Variants in HTR2C observed in about 807,000 individuals in gnomAD.
The protein encoded by HTR2C is 5-hydroxytryptamine (serotonin) receptor 2C, G protein-coupled.
In HTR2C, 5 loss-of-function variants were observed where a neutral mutation model predicts 21.0. The ratio of observed to expected loss-of-function variants is 0.24; its 90% CI spans 0.12 to 0.50. The LOEUF is 0.50. Ranked by LOEUF, HTR2C falls within the 20% of genes least tolerant of loss-of-function variation. The pLI is 0.98. For synonymous variants in HTR2C, 150 were observed against 145.3 expected (o/e 1.03, Z -0.23); for missense variants, 271 against 371.2 (o/e 0.73, Z 2.22).
intron 2 of HTR2C, among the ~76,000 whole-genome samples, chrX:114,659,705 T>C (rs1400587911): frequency 9.1e-6 from 1 of 110,428 alleles, no homozygotes; most frequent in African/African-American, 3.3e-5. Flanking sequence ...CAATATATTG[T>C]AATATATTGA....
At chrX:114,788,771 C>G (rs7882977) in intron 4 of HTR2C, among the ~76,000 whole-genome samples, 5 of 110,433 alleles carry the variant, frequency 4.5e-5, no homozygotes, top group African/African-American at 1.6e-4. Context: ...ACCTCAGACT[C>G]CTGGGTAGCT....
intron 4 of HTR2C, among the ~76,000 whole-genome samples, chrX:114,737,829 G>T (rs1390844841): frequency 1.8e-5 from 2 of 111,392 alleles, no homozygotes; most frequent in African/African-American, 6.5e-5. Flanking sequence ...AATCCCTCCG[G>T]ACTCAAATAG....
rs782256953 is a variant in HTR2C, at chrX:114,723,691, G to A, written c.-79-3167G>A. 4.0e-3 allele frequency among the ~76,000 whole-genome samples: 445 copies of A among 110,507 alleles called. 1 individual carries two copies. Among genetic ancestry groups the A allele is most frequent in the African/African-American group, 9.6e-3 (292 of 30,441 alleles). The stretch of plus-strand genomic sequence containing the variant: ...TCCCTCTACACACTGCTTTGAATGC[G>A]TCCCAGAGATTCTGGTATGTTGTGT... On this transcript the variant is annotated intron_variant, in intron 2 of 5. Transcript: ENST00000276198.
intron 4 of HTR2C, among the ~76,000 whole-genome samples, chrX:114,818,273 T>G (rs1237794906): frequency 5.4e-5 from 6 of 111,712 alleles, no homozygotes; most frequent in Non-Finnish European, 1.1e-4. Context: ...TTTATTTGAT[T>G]AGAGAACCTT....
chrX:114,774,831 A>G (rs5988130), intron 4 of HTR2C: 7,336 of 470,555 alleles, frequency 0.016, 387 homozygotes, highest in African/African-American at 0.15. Flanking sequence ...TGTTGGCTTA[A>G]TCAACCTCTT....
intron 2 of HTR2C, among the ~76,000 whole-genome samples, chrX:114,628,171 T>C (rs1454493224): frequency 8.9e-6 from 1 of 111,842 alleles, no homozygotes; most frequent in East Asian, 2.8e-4. Flanking sequence ...AAAAGCAGTA[T>C]TTAAATAGTA....
At chrX:114,830,981 AATG>A (rs1265201702) in intron 4 of HTR2C, among the ~76,000 whole-genome samples, 1 of 83,991 alleles carries the variant, frequency 1.2e-5, no homozygotes. Context: ...GTTTACTGAG[AATG>A]ATAATTTCCA....
chrX:114,815,179 G>A (rs2070573211), intron 4 of HTR2C, among the ~76,000 whole-genome samples: 1 of 108,938 alleles, frequency 9.2e-6, no homozygotes, highest in Admixed American at 1.0e-4. Context: ...TTACTTGTCA[G>A]CATCTCTTTA....
At chrX:114,826,945 C>A (rs1437601555) in intron 4 of HTR2C, among the ~76,000 whole-genome samples, 1 of 109,746 alleles carries the variant, frequency 9.1e-6, no homozygotes, top group Admixed American at 9.8e-5. Flanking sequence ...ATGTTTTTTT[C>A]TTTTTATTTG....
At chrX:114,673,693 G>C (rs1295984533) in intron 2 of HTR2C, among the ~76,000 whole-genome samples, 5 of 111,211 alleles carry the variant, frequency 4.5e-5, no homozygotes, top group Non-Finnish European at 9.4e-5. Flanking sequence ...ATATGTATGA[G>C]ATTGACAGTA....
At chrX:114,806,027 TATATATACC>T (rs1259858117) in intron 4 of HTR2C, among the ~76,000 whole-genome samples, 7 of 97,838 alleles carry the variant, frequency 7.2e-5, no homozygotes, top group African/African-American at 2.6e-4. Flanking sequence ...CTATACACCA[TATATATACC>T]ATATATACCA....
chrX:114,906,736 C>T lies in HTR2C; in HGVS notation c.698C>T (p.Thr233Met), dbSNP rs1316757499. Reference protein sequence around the residue: ...FFIPLTIMVITYCLTIYVLRR... With the variant: ...FFIPLTIMVIMYCLTIYVLRR... ...ATACCGCTGACGATTATGGTGATTA[C>T]GTATTGCCTGACCATCTACGTTCTG... Residue 233 changes from threonine (T) to methionine (M), a missense_variant, in exon 6 of 6, where the codon ACG becomes ATG. Physicochemically the swap from Thr to Met is moderately conservative, Grantham distance 81. Around this residue, in one of 5 missense-constraint regions of HTR2C, gnomAD observed 192 missense variants for 247.2 expected, o/e 0.78. Transcript: ENST00000276198. The T allele has an allele frequency of 8.3e-7, 1 of 1,208,797 alleles. No individual in the cohort carries two copies. The highest frequency in any genetic ancestry group is 1.1e-6 in the Non-Finnish European group (1 of 894,837).
intron 1 of HTR2C, among the ~76,000 whole-genome samples, chrX:114,606,903 G>T (rs1556397125): frequency 1.8e-5 from 2 of 110,218 alleles, no homozygotes; most frequent in Non-Finnish European, 3.8e-5. Context: ...TCAGTGAAGG[G>T]AGATGAGGGT....
intron 2 of HTR2C, among the ~76,000 whole-genome samples, chrX:114,703,258 T>A (rs1316789721): frequency 1.9e-4 from 20 of 107,125 alleles, no homozygotes; most frequent in African/African-American, 6.7e-4. Flanking sequence ...AGAATATACA[T>A]TTTTTTCAGC....
intron 4 of HTR2C, among the ~76,000 whole-genome samples, chrX:114,806,597 CAT>C (rs1327919444): frequency 1.9e-5 from 1 of 53,839 alleles, no homozygotes; most frequent in Non-Finnish European, 3.3e-5. Flanking sequence ...TCATATATAT[CAT>C]ATATACACCA....
chrX:114,709,603 T>A, intron 2 of HTR2C, among the ~76,000 whole-genome samples: 1 of 112,194 alleles, frequency 8.9e-6, no homozygotes, highest in African/African-American at 3.2e-5. Context: ...TGCCAGCATA[T>A]TCCTGCCAGA....
chrX:114,746,313 C>T (rs1436436869), intron 4 of HTR2C, among the ~76,000 whole-genome samples: 1 of 110,800 alleles, frequency 9.0e-6, no homozygotes, highest in Non-Finnish European at 1.9e-5. Flanking sequence ...ACCTTATAAT[C>T]AAGAAAATTA....
At chrX:114,668,538 A>G (rs913384096) in intron 2 of HTR2C, among the ~76,000 whole-genome samples, 1 of 111,647 alleles carries the variant, frequency 9.0e-6, no homozygotes, top group Non-Finnish European at 1.9e-5. Context: ...CTAGGTATAA[A>G]TTCAAGATAA....
intron 5 of HTR2C, among the ~76,000 whole-genome samples, chrX:114,888,371 A>G (rs1380425636): frequency 1.8e-5 from 2 of 111,565 alleles, no homozygotes; most frequent in African/African-American, 6.5e-5. Context: ...TTTCAGCAGC[A>G]CCATACCCAA....
Sources: allele counts gnomAD v4.1 joint callset (sites outside exome capture counted in the v4.1 genomes callset), GRCh38; gene constraint gnomAD v4.1.1; regional missense constraint gnomAD v4.1.1; transcripts MANE v1.5; gene names NCBI Gene and HGNC (gene_info 2026-07-23, HGNC 2026-07-21).